Variants in DNAAF4 observed in about 807,000 individuals in gnomAD.
DNAAF4 encodes dynein axonemal assembly factor 4, also known as dynein assembly factor 4, axonemal.
Under a neutral mutation model 51.8 loss-of-function variants are expected in DNAAF4, and 43 were observed. The observed-to-expected ratio is 0.83, with a 90% CI of 0.65 to 1.07. The LOEUF is 1.07. DNAAF4 is among the 50% of genes least tolerant of loss of function. The pLI, the probability that DNAAF4 is intolerant of heterozygous loss-of-function variation, is 0.00. For missense variants in DNAAF4, 581 were observed against 493.0 expected, an observed-to-expected ratio of 1.18 and a Z score of -1.69; for synonymous variants, 194 against 165.6, an observed-to-expected ratio of 1.17 and a Z score of -1.32.
chr15:55,433,795 AT>A (rs1331827867), intron 8 of DNAAF4, among the ~76,000 whole-genome samples: 1 of 96,322 alleles, frequency 1.0e-5, no homozygotes, highest in African/African-American at 4.1e-5. Context: ...AAATATATAT[AT>A]TTGTTTTATA....
At chr15:55,466,383 C>A (rs567486231) in intron 5 of DNAAF4, among the ~76,000 whole-genome samples, 65 of 152,086 alleles carry the variant, frequency 4.3e-4, no homozygotes, top group African/African-American at 1.4e-3. Context: ...CAGATCACAC[C>A]ATTGCACTCC....
At chr15:55,457,189 C>T (rs1193856022) in intron 5 of DNAAF4, among the ~76,000 whole-genome samples, 1 of 152,142 alleles carries the variant, frequency 6.6e-6, no homozygotes, top group African/African-American at 2.4e-5. Flanking sequence ...CACCAACTGC[C>T]TGGATATAAA....
At position 55,490,283 on chromosome 15, in the gene DNAAF4, G is replaced by A. The variant is rs944283821; in HGVS notation, c.405+840C>T. Among the ~76,000 whole-genome samples the A allele has an allele frequency of 7.2e-5, 11 of 152,186 alleles. No individual in the cohort carries two copies. In the South Asian group the frequency reaches 2.1e-3, roughly 29 times the overall value. On this transcript the variant is annotated intron_variant, in intron 4 of 9. Transcript: ENST00000321149. The stretch of plus-strand genomic sequence containing the variant: ...GTGTTAGGGGAAATGGGGAGTGGCT[G>A]CTTAGGGGTATTGGTGCTTTTTGGG...
Position 55,498,556 on chromosome 15 carries a change from G to A in DNAAF4, c.-227C>T. 3.3e-6 allele frequency: 1 copy of A among 303,152 alleles called. No individual in the cohort carries two copies. Among genetic ancestry groups the A allele is most frequent in the Admixed American group, 6.3e-5 (1 of 15,788 alleles). 18.8% of individuals were successfully genotyped at this position (303,152 alleles called of 1,614,324 possible). On this transcript the variant is annotated 5_prime_UTR_variant, in exon 2 of 10. Transcript: ENST00000321149. ...CTTGGGGTTACCTTACGATCTGAGC[G>A]AATGTTCAAAGAAGTAGACCCATAC...
At chr15:55,442,791 G>T (rs963019563) in intron 6 of DNAAF4, 21 of 1,607,140 alleles carry the variant, frequency 1.3e-5, no homozygotes, top group Admixed American at 1.7e-5. Flanking sequence ...AACAAAGAGG[G>T]ATAGGTCTTT....
chr15:55,495,978 G>A (rs928343655), intron 3 of DNAAF4, among the ~76,000 whole-genome samples: 5 of 152,276 alleles, frequency 3.3e-5, no homozygotes, highest in African/African-American at 1.2e-4. Flanking sequence ...TGTAATCCCG[G>A]CACTTCGGGA....
At chr15:55,434,110 T>C (rs2057570572) in intron 8 of DNAAF4, among the ~76,000 whole-genome samples, 1 of 136,072 alleles carries the variant, frequency 7.3e-6, no homozygotes, top group Non-Finnish European at 1.5e-5. Context: ...TAAGGAATTT[T>C]TCAGTTGTTC....
intron 9 of DNAAF4, among the ~76,000 whole-genome samples, chr15:55,432,036 A>G (rs184232810): frequency 1.3e-5 from 2 of 151,894 alleles, no homozygotes; most frequent in Admixed American, 6.6e-5. Context: ...GCTCACCACA[A>G]TCTCCGCCTC....
intron 9 of DNAAF4, among the ~76,000 whole-genome samples, chr15:55,431,950 A>C (rs1486213464): frequency 6.6e-6 from 1 of 151,798 alleles, no homozygotes; most frequent in African/African-American, 2.4e-5. Context: ...GTTGTCTGGT[A>C]ATATAGCATT....
At chr15:55,462,352 C>T (rs992655617) in intron 5 of DNAAF4, among the ~76,000 whole-genome samples, 15 of 151,996 alleles carry the variant, frequency 9.9e-5, no homozygotes, top group African/African-American at 3.4e-4. Flanking sequence ...GCCACCACAC[C>T]CTGCTAATTT....
In DNAAF4 at chr15:55,434,812, A is replaced by G. The variant is rs2057581906; in HGVS notation, c.1047+93T>C. The G allele has an allele frequency of 9.1e-6, 10 of 1,095,480 alleles. No homozygotes were observed. The South Asian group carries it at 1.7e-4, about 19-fold the overall frequency. 67.9% of individuals were successfully genotyped at this position (1,095,480 alleles called of 1,614,324 possible). ...CAATCTTTAAAATCTTTGCATCTCA[A>G]TTATTTCAACTGAACAGAAAAAGAT... is the stretch of plus-strand genomic sequence containing the variant. On this transcript the variant is annotated intron_variant, in intron 8 of 9. Transcript: ENST00000321149.
chr15:55,497,957 C>A, intron 2 of DNAAF4, 98 bp from the exon 3 acceptor site: 1 of 1,475,416 alleles, frequency 6.8e-7, no homozygotes, highest in South Asian at 1.4e-5. Context: ...TTCTAAAAGG[C>A]CCACTAAATT....
chr15:55,498,331 C>A lies in DNAAF4; in HGVS notation c.-2G>T. The stretch of plus-strand genomic sequence containing the variant: ...GTAATCGCTAACCTGAAGAGGCATT[C>A]CGGTAGCAACGGGAGCGGATAGCGC... On this transcript the variant is annotated 5_prime_UTR_variant, in exon 2 of 10. Transcript: ENST00000321149. 6.2e-7 allele frequency: 1 copy of A among 1,600,590 alleles called. No individual in the cohort carries two copies. The highest frequency in any genetic ancestry group is 1.7e-4 in the Middle Eastern group (1 of 5,984).
intron 7 of DNAAF4, among the ~76,000 whole-genome samples, chr15:55,419,783 G>A (rs1016497024): frequency 6.6e-6 from 1 of 152,080 alleles, no homozygotes; most frequent in African/African-American, 2.4e-5. Flanking sequence ...GATCACCTGA[G>A]GTCAGGAGTT....
chr15:55,447,108 G>A (rs1203962301), intron 6 of DNAAF4, among the ~76,000 whole-genome samples: 46 of 147,654 alleles, frequency 3.1e-4, no homozygotes, highest in African/African-American at 1.1e-3. Flanking sequence ...CAGATGGGGC[G>A]GCTGCGCAGA....
chr15:55,455,458 G>T (rs963904209), intron 5 of DNAAF4, among the ~76,000 whole-genome samples: 19 of 147,162 alleles, frequency 1.3e-4, no homozygotes, highest in Non-Finnish European at 2.5e-4. Flanking sequence ...TTGAGACAGG[G>T]TCTCACTCTG....
chr15:55,450,401 T>G, intron 5 of DNAAF4, 34 bp from the exon 6 acceptor site: 3 of 1,593,670 alleles, frequency 1.9e-6, no homozygotes, highest in Non-Finnish European at 1.7e-6. Flanking sequence ...AAGTCACTTA[T>G]TTCTCATTTT....
chr15:55,439,225 T>C (rs992385489), intron 7 of DNAAF4, among the ~76,000 whole-genome samples: 2 of 152,210 alleles, frequency 1.3e-5, no homozygotes, highest in African/African-American at 4.8e-5. Flanking sequence ...CGCAGCCTTC[T>C]GAGTAGCTGG....
chr15:55,503,668 A>G (rs888807362), intron 1 of DNAAF4, among the ~76,000 whole-genome samples: 6 of 152,206 alleles, frequency 3.9e-5, no homozygotes, highest in African/African-American at 1.4e-4. Flanking sequence ...AACCAAAGAC[A>G]AAAACCACAT....
Sources: gnomAD v4.1 joint callset for allele counts (sites outside exome capture counted in the v4.1 genomes callset) on GRCh38, gnomAD v4.1.1 for gene constraint, MANE v1.5 for transcripts, NCBI Gene and HGNC (gene_info 2026-07-23, HGNC 2026-07-21) for gene names.